The following EPB41L5 variants were observed in gnomAD, a reference collection of about 807,000 sequenced individuals.
The protein encoded by EPB41L5 is erythrocyte membrane protein band 4.1 like 5.
A neutral mutation model predicts 106.6 loss-of-function variants in EPB41L5; 55 were observed. That is an observed-to-expected ratio of 0.52 (90% confidence interval 0.42 to 0.65). The LOEUF (loss-of-function observed/expected upper bound fraction) is 0.65. Among genes scored for constraint, EPB41L5 ranks in the 30% least tolerant of loss-of-function variants. The pLI, the probability that EPB41L5 is intolerant of heterozygous loss-of-function variation, is 0.00. For missense variants in EPB41L5, 871 were observed against 882.1 expected, an observed-to-expected ratio of 0.99 and a Z score of 0.16; for synonymous variants, 297 against 306.7, an observed-to-expected ratio of 0.97 and a Z score of 0.33.
Position 120,024,325 on chromosome 2 carries a change from A to G in EPB41L5, c.180+5061A>G, listed in dbSNP as rs561565299. 1.8e-3 allele frequency among the ~76,000 whole-genome samples: 273 copies of G among 152,300 alleles called. 2 individuals carry two copies. The highest frequency in any genetic ancestry group is 6.8e-3 in the Middle Eastern group (2 of 294). On this transcript the variant is annotated intron_variant, in intron 2 of 24. Transcript: ENST00000263713. ...TATTGGCTGTGGGTTTGTCATAAAA[A>G]GCTCTTAAATTATTTTAAGATACGT...
chr2:120,154,183 A>T (rs1369006967), intron 20 of EPB41L5, among the ~76,000 whole-genome samples: 6 of 150,926 alleles, frequency 4.0e-5, no homozygotes, highest in Non-Finnish European at 8.8e-5. Flanking sequence ...TTTGAGACCA[A>T]GTTTCACTCT....
intron 3 of EPB41L5, among the ~76,000 whole-genome samples, chr2:120,046,984 T>C (rs995977522): frequency 4.7e-4 from 72 of 152,268 alleles, no homozygotes; most frequent in Non-Finnish European, 9.0e-4. Context: ...TGTGTGGTAT[T>C]ATTTCTGAGG....
At chr2:120,136,377 T>TG (rs1685924378) in intron 18 of EPB41L5, among the ~76,000 whole-genome samples, 1 of 150,876 alleles carries the variant, frequency 6.6e-6, no homozygotes, top group South Asian at 2.1e-4. Context: ...GAAAACAGAT[T>TG]GAAATGGCAA....
intron 18 of EPB41L5, among the ~76,000 whole-genome samples, chr2:120,141,386 GA>G (rs1436817538): frequency 6.6e-6 from 1 of 152,036 alleles, no homozygotes; most frequent in Admixed American, 6.6e-5. Context: ...GTTTTTGAAA[GA>G]CAAAATCAGG....
chr2:120,068,504 G>A (rs1003720199), intron 3 of EPB41L5, among the ~76,000 whole-genome samples: 4 of 152,188 alleles, frequency 2.6e-5, no homozygotes, highest in African/African-American at 7.2e-5. Context: ...GACCTGGGAC[G>A]CTCAGGCTTG....
At chr2:120,015,246 A>G (rs918907925) in intron 1 of EPB41L5, among the ~76,000 whole-genome samples, 3 of 151,694 alleles carry the variant, frequency 2.0e-5, no homozygotes, top group Non-Finnish European at 4.4e-5. Flanking sequence ...AGAATGGCGT[A>G]AACCCGGGAG....
At chr2:120,026,226 G>T (rs1678303392) in intron 2 of EPB41L5, among the ~76,000 whole-genome samples, 1 of 152,096 alleles carries the variant, frequency 6.6e-6, no homozygotes, top group African/African-American at 2.4e-5. Flanking sequence ...ACATATTTTG[G>T]GGGTACATAG....
chr2:120,038,133 AAG>A (rs1679160578), intron 2 of EPB41L5, among the ~76,000 whole-genome samples: 1 of 152,240 alleles, frequency 6.6e-6, no homozygotes, highest in Non-Finnish European at 1.5e-5. Context: ...GATATATGAT[AAG>A]AGATTAATAT....
chr2:120,112,799 T>C (rs1684781283), intron 16 of EPB41L5, among the ~76,000 whole-genome samples: 1 of 152,228 alleles, frequency 6.6e-6, no homozygotes, highest in African/African-American at 2.4e-5. Flanking sequence ...GTTCTGGAGG[T>C]ACAGCAGTAA....
At chr2:120,021,254 C>T (rs1327798430) in intron 2 of EPB41L5, among the ~76,000 whole-genome samples, 5 of 151,950 alleles carry the variant, frequency 3.3e-5, no homozygotes, top group African/African-American at 4.8e-5. Flanking sequence ...GCAGGAGAAT[C>T]ACTTGAACCT....
chr2:120,091,718 G>C (rs1683425199), intron 13 of EPB41L5, 57 bp downstream of exon 13: 1 of 1,370,108 alleles, frequency 7.3e-7, no homozygotes. Context: ...ATTATGTGCT[G>C]GTGTTGTTTC....
chr2:120,176,207 A>G lies in EPB41L5; in HGVS notation c.*1300A>G, dbSNP rs1390949092. The G allele has an allele frequency of 6.5e-6, 1 of 152,674 alleles. No homozygotes were observed. Among genetic ancestry groups the G allele is most frequent in the Non-Finnish European group, 1.5e-5 (1 of 68,048 alleles). The allele number at this position is 152,674 out of a possible 1,614,324, so 9.5% of individuals were successfully genotyped here. A position where few individuals can be genotyped will look rare whatever the true frequency, so the allele number is the denominator to read the frequency against. The stretch of plus-strand genomic sequence containing the variant: ...AGGTAAACCTCGGTTGCCATGGGGA[A>G]GAAGGATGATGTGGAAACCATATTG... On this transcript the variant is annotated 3_prime_UTR_variant, in exon 25 of 25. Coordinates refer to ENST00000263713, the MANE Select transcript of EPB41L5 (RefSeq NM_020909.4).
At position 120,076,119 on chromosome 2, in the gene EPB41L5, C is replaced by T. The variant is rs528184056; in HGVS notation, c.505+366C>T. ...TTTTGCTCCAAACCTACATTTTGTT[C>T]AGAAATAACCACAGATGAGTACATA... On this transcript the variant is annotated intron_variant, in intron 7 of 24. Coordinates refer to ENST00000263713, the MANE Select transcript of EPB41L5 (RefSeq NM_020909.4). Among the ~76,000 whole-genome samples, 95 of 152,290 alleles carry T rather than the reference C, an allele frequency of 6.2e-4. 1 individual carries two copies. The highest frequency in any genetic ancestry group is 2.1e-3 in the African/African-American group (89 of 41,570).
chr2:120,038,888 G>A (rs1679212031), intron 2 of EPB41L5, among the ~76,000 whole-genome samples: 2 of 152,204 alleles, frequency 1.3e-5, no homozygotes, highest in South Asian at 2.1e-4. Flanking sequence ...GTTCGTGGCA[G>A]CATTATTCCA....
chr2:120,118,155 T>A (rs74904861), intron 16 of EPB41L5, among the ~76,000 whole-genome samples: 3,219 of 152,242 alleles, frequency 0.021, 113 homozygotes, highest in African/African-American at 0.073. Context: ...TACATTTGAA[T>A]CTCAGATCCA....
chr2:120,067,351 C>T (rs1681512961), intron 3 of EPB41L5, among the ~76,000 whole-genome samples: 1 of 152,222 alleles, frequency 6.6e-6, no homozygotes, highest in Admixed American at 6.5e-5. Flanking sequence ...TGTTTACCCA[C>T]TCTGCCTATC....
intron 1 of EPB41L5, chr2:120,013,725 C>T (rs948859386): frequency 2.6e-5 from 4 of 152,218 alleles, no homozygotes; most frequent in African/African-American, 7.2e-5. Flanking sequence ...CCGCCCCGCC[C>T]CCACCCGGGA....
chr2:120,171,247 G>C (rs1397394411), intron 24 of EPB41L5, among the ~76,000 whole-genome samples: 2 of 152,154 alleles, frequency 1.3e-5, no homozygotes, highest in African/African-American at 4.8e-5. Flanking sequence ...GGAGGGAGTA[G>C]AAACAAAATA....
At chr2:120,145,320 G>T (rs1686348740) in intron 19 of EPB41L5, among the ~76,000 whole-genome samples, 1 of 152,172 alleles carries the variant, frequency 6.6e-6, no homozygotes, top group Non-Finnish European at 1.5e-5. Flanking sequence ...AAAAACAGAT[G>T]ATTGTGATGT....
Sources: allele counts gnomAD v4.1 joint callset (sites outside exome capture counted in the v4.1 genomes callset), GRCh38; gene constraint gnomAD v4.1.1; transcripts MANE v1.5; gene names NCBI Gene and HGNC (gene_info 2026-07-23, HGNC 2026-07-21).